IL17B: variants seen among roughly 807,000 people sequenced by gnomAD.
The protein encoded by IL17B is interleukin 17B, also known as interleukin-17B.
In IL17B, 14 loss-of-function variants were observed where a neutral mutation model predicts 14.7. The observed-to-expected ratio is 0.95, with a 90% CI of 0.63 to 1.49. The LOEUF is 1.49. Ranked by LOEUF, IL17B falls within the 40% of genes most tolerant of loss-of-function variation. The probability of loss-of-function intolerance (pLI) is 0.00; values close to 1 mark genes in which losing one functional copy is unlikely to be tolerated. For synonymous variants in IL17B, 105 were observed against 94.8 expected (o/e 1.11, Z -0.62); for missense variants, 233 against 252.8 (o/e 0.92, Z 0.53).
At chr5:149,390,626 C>CACAT (rs1758926335) in intron 1 of IL17B, among the ~76,000 whole-genome samples, 1 of 145,592 alleles carries the variant, frequency 6.9e-6, no homozygotes, top group Non-Finnish European at 1.5e-5. Flanking sequence ...CACACACACA[C>CACAT]ACACAGAGAT....
intron 1 of IL17B, among the ~76,000 whole-genome samples, chr5:149,399,596 C>T (rs1759168953): frequency 6.6e-6 from 1 of 152,046 alleles, no homozygotes; most frequent in Non-Finnish European, 1.5e-5. Flanking sequence ...CACAAGGTTC[C>T]TGAGTGTGTT....
chr5:149,376,442 G>A (rs894215420), intron 2 of IL17B, among the ~76,000 whole-genome samples: 11 of 152,238 alleles, frequency 7.2e-5, no homozygotes, highest in African/African-American at 1.7e-4. Context: ...TCTGGGGAAA[G>A]CCTTGCAGGC....
At chr5:149,382,355 G>A (rs1224258628), upstream of IL17B, among the ~76,000 whole-genome samples, 2 of 152,208 alleles carry the variant, frequency 1.3e-5, no homozygotes, top group African/African-American at 4.8e-5. Flanking sequence ...TCTGCTGAGT[G>A]AGTGATTGCC....
chr5:149,375,933 T>C (rs1039947597), intron 2 of IL17B, among the ~76,000 whole-genome samples: 9 of 152,212 alleles, frequency 5.9e-5, no homozygotes, highest in African/African-American at 1.9e-4. Flanking sequence ...AGTAGCCACA[T>C]GTCAAGTGCT....
upstream of IL17B, chr5:149,379,315 G>T (rs546823267): frequency 2.3e-5 from 35 of 1,499,732 alleles, no homozygotes; most frequent in South Asian, 3.6e-4. Context: ...ATGGAGCGAA[G>T]CAATTATAGC....
intron 2 of IL17B, among the ~76,000 whole-genome samples, chr5:149,375,771 T>C (rs1212050619): frequency 6.6e-6 from 1 of 151,886 alleles, no homozygotes; most frequent in African/African-American, 2.4e-5. Flanking sequence ...TCCCAGCTAC[T>C]GGGAGGCTGA....
Position 149,374,622 on chromosome 5 carries a change from G to A in IL17B, c.312-22C>T. 6.3e-7 allele frequency: 1 copy of A among 1,591,890 alleles called. No homozygotes were observed. The highest frequency in any genetic ancestry group is 8.6e-7 in the Non-Finnish European group (1 of 1,163,110). ...GATGCTGCAGGGAGCAGAAGAAAGA[G>A]CAGAGCGGAAGGTGATCAGGAAAGG... On this transcript the variant is annotated intron_variant, in intron 2 of 2. Coordinates refer to ENST00000261796, the MANE Select transcript of IL17B (RefSeq NM_014443.3). The surrounding 1 kb of genome is among the most constrained non-coding windows in gnomAD (Gnocchi z 5.0).
chr5:149,390,224 C>CT (rs907800963), intron 1 of IL17B, among the ~76,000 whole-genome samples: 14 of 146,546 alleles, frequency 9.6e-5, no homozygotes, highest in African/African-American at 3.6e-4. Context: ...GTGACCCCCC[C>CT]CCTCCCTGTC....
intron 1 of IL17B, among the ~76,000 whole-genome samples, chr5:149,400,976 C>T (rs763760266): frequency 1.3e-5 from 2 of 152,224 alleles, no homozygotes; most frequent in South Asian, 2.1e-4. Context: ...TGGCAAAAAG[C>T]GATCTGCATT....
intron 1 of IL17B, among the ~76,000 whole-genome samples, chr5:149,392,875 T>G (rs1758999588): frequency 6.6e-6 from 1 of 152,148 alleles, no homozygotes; most frequent in Non-Finnish European, 1.5e-5. Flanking sequence ...TGTCTTACCC[T>G]CTAAGGCTGA....
rs566956408 is a variant in IL17B at position 149,398,113 on chromosome 5, A to G, written n.95+5995T>C. 4.7e-4 allele frequency among the ~76,000 whole-genome samples: 71 copies of G among 152,222 alleles called. 1 individual carries two copies. The highest frequency in any genetic ancestry group is 1.8e-4 in the Non-Finnish European group (12 of 68,034). Reference sequence around the variant, plus strand: ...CAAGTCGATACCTAAAATTAAGTCCATAAGTCCACCCCTTGTCAACTTGGC... The same window carrying G: ...CAAGTCGATACCTAAAATTAAGTCCGTAAGTCCACCCCTTGTCAACTTGGC... On this transcript the variant is annotated intron_variant and non_coding_transcript_variant, in intron 1 of 2. Coordinates refer to the IL17B transcript ENST00000505432.
chr5:149,389,890 A>G (rs756106728), intron 1 of IL17B, among the ~76,000 whole-genome samples: 1 of 152,172 alleles, frequency 6.6e-6, no homozygotes, highest in Non-Finnish European at 1.5e-5. Flanking sequence ...GAAGGCTTGG[A>G]GTCAGCCTGC....
intron 1 of IL17B, among the ~76,000 whole-genome samples, chr5:149,386,060 GA>G (rs1758821572): frequency 6.6e-6 from 1 of 152,220 alleles, no homozygotes; most frequent in Non-Finnish European, 1.5e-5. Context: ...GCTACAAACC[GA>G]TGGTACTTAT....
At chr5:149,388,563 G>A (rs1758874571) in intron 1 of IL17B, among the ~76,000 whole-genome samples, 1 of 152,244 alleles carries the variant, frequency 6.6e-6, no homozygotes, top group Non-Finnish European at 1.5e-5. Flanking sequence ...CTGACTCTTT[G>A]CGAATATACA....
intron 1 of IL17B, among the ~76,000 whole-genome samples, chr5:149,390,587 G>GCACACACACACACACACA (rs56268721): frequency 1.6e-4 from 18 of 114,942 alleles, no homozygotes; most frequent in African/African-American, 4.9e-4. Context: ...CCCTGAGTTA[G>GCACACACACACACACACA]CACACACACA....
chr5:149,397,246 T>G (rs1174694743), intron 1 of IL17B, among the ~76,000 whole-genome samples: 1 of 152,220 alleles, frequency 6.6e-6, no homozygotes, highest in Non-Finnish European at 1.5e-5. Context: ...CTCTGCTCAC[T>G]GCAACATCTA....
intron 1 of IL17B, among the ~76,000 whole-genome samples, chr5:149,388,761 G>T (rs982933249): frequency 2.0e-5 from 3 of 152,198 alleles, no homozygotes; most frequent in African/African-American, 7.2e-5. Context: ...CAGAGACATG[G>T]TGATGGAAAC....
intron 1 of IL17B, among the ~76,000 whole-genome samples, chr5:149,394,444 C>T (rs1014009985): frequency 1.8e-4 from 28 of 152,202 alleles, no homozygotes; most frequent in African/African-American, 6.3e-4. Context: ...GACTTCTCTT[C>T]ATTTATTGAG....
intron 1 of IL17B, among the ~76,000 whole-genome samples, chr5:149,400,326 T>G (rs1171866603): frequency 6.6e-6 from 1 of 152,120 alleles, no homozygotes; most frequent in African/African-American, 2.4e-5. Flanking sequence ...AGCAAGCCGC[T>G]AGAATCTAGG....
Sources: gnomAD v4.1 joint callset for allele counts (sites outside exome capture counted in the v4.1 genomes callset) on GRCh38, gnomAD v4.1.1 for gene constraint, Gnocchi (gnomAD v3.1) non-coding constraint, MANE v1.5 for transcripts, NCBI Gene and HGNC (gene_info 2026-07-23, HGNC 2026-07-21) for gene names.